SDCCAG8: variants seen among roughly 807,000 people sequenced by gnomAD.
The protein encoded by SDCCAG8 is serologically defined colon cancer antigen 8.
SDCCAG8 carries 74 observed loss-of-function variants against 101.8 expected under a neutral mutation model. The ratio of observed to expected loss-of-function variants is 0.73; its 90% CI spans 0.60 to 0.88. SDCCAG8 has a LOEUF of 0.88. Among genes scored for constraint, SDCCAG8 ranks in the 40% least tolerant of loss-of-function variants. The pLI, the probability that SDCCAG8 is intolerant of heterozygous loss-of-function variation, is 0.00. For missense variants in SDCCAG8, 787 were observed against 822.6 expected (o/e 0.96, Z 0.53); for synonymous variants, 281 against 292.9 (o/e 0.96, Z 0.41).
At chr1:243,426,679 C>G (rs1466969333) in intron 16 of SDCCAG8, 121 bp downstream of exon 16, 15 of 1,198,968 alleles carry the variant, frequency 1.3e-5, no homozygotes, top group South Asian at 1.3e-5. Context: ...GTGACATGCT[C>G]AAAATCTAAT....
chr1:243,286,348 C>G lies in SDCCAG8; in HGVS notation c.497C>G (p.Ser166Cys), dbSNP rs776989165. 15 of 1,613,832 alleles carry G rather than the reference C, an allele frequency of 9.3e-6. No individual in the cohort carries two copies. The highest frequency in any genetic ancestry group is 1.3e-5 in the African/African-American group (1 of 74,928). Residue 166 changes from serine to cysteine, a missense_variant, in exon 5 of 18, where the codon TCT (serine) becomes TGT (cysteine). Transcript: ENST00000366541. ...ENEGLQQQLK[S>C]QRQEETLREQ... ...GAAGGGCTCCAGCAACAGCTAAAAT[C>G]TCAAAGACAAGAGGAGACACTGAGG... is the stretch of plus-strand genomic sequence containing the variant.
chr1:243,353,784 C>T (rs1253651537), intron 12 of SDCCAG8, among the ~76,000 whole-genome samples: 2 of 152,184 alleles, frequency 1.3e-5, no homozygotes, highest in East Asian at 3.9e-4. Flanking sequence ...ACTGTATGCC[C>T]TGCAGTCAGG....
At chr1:243,391,517 C>T (rs1375449410) in intron 13 of SDCCAG8, among the ~76,000 whole-genome samples, 1 of 152,220 alleles carries the variant, frequency 6.6e-6, no homozygotes, top group African/African-American at 2.4e-5. Context: ...TGTGGCCTCT[C>T]CCCAGCAGGC....
In SDCCAG8 at chr1:243,494,131, T is replaced by G. The variant is rs139296399; in HGVS notation, c.2112+4991T>G. ...AGAACAGCAAATACATTGAATAAAATAAATTAAAAAGCCTCCTCCTGAACC... is the reference window on the plus strand; with the variant it reads ...AGAACAGCAAATACATTGAATAAAAGAAATTAAAAAGCCTCCTCCTGAACC... On this transcript the variant is annotated intron_variant, in intron 17 of 17. Transcript: ENST00000366541. Among the ~76,000 whole-genome samples the G allele has an allele frequency of 3.1e-4, 47 of 152,276 alleles. No individual in the cohort carries two copies. The East Asian group carries it at 8.9e-3, about 29-fold the overall frequency.
intron 16 of SDCCAG8, among the ~76,000 whole-genome samples, chr1:243,465,580 G>C (rs181090209): frequency 9.2e-4 from 140 of 152,278 alleles, no homozygotes; most frequent in Admixed American, 2.7e-3. Context: ...AGAATTTTCT[G>C]TATGTTAGTC....
intron 12 of SDCCAG8, among the ~76,000 whole-genome samples, chr1:243,358,640 C>G (rs112173885): frequency 0.02 from 3,025 of 152,226 alleles, 107 homozygotes; most frequent in African/African-American, 0.067. Flanking sequence ...ACATGCTACT[C>G]AAAAACTTCT....
intron 17 of SDCCAG8, among the ~76,000 whole-genome samples, chr1:243,496,947 G>A (rs1200904699): frequency 1.3e-5 from 2 of 152,226 alleles, no homozygotes; most frequent in African/African-American, 2.4e-5. Flanking sequence ...AGTGGCCAGG[G>A]CGCCCTGTCG....
intron 1 of SDCCAG8, among the ~76,000 whole-genome samples, chr1:243,264,387 G>A (rs2067422561): frequency 6.6e-6 from 1 of 152,202 alleles, no homozygotes. Context: ...GGCTGAGGCG[G>A]AAGGATCACC....
intron 12 of SDCCAG8, among the ~76,000 whole-genome samples, chr1:243,376,752 C>T (rs2077621000): frequency 6.6e-6 from 1 of 152,058 alleles, no homozygotes; most frequent in South Asian, 2.1e-4. Flanking sequence ...CTCCTCATGT[C>T]TGGAATACTG....
chr1:243,487,321 G>C (rs1665155621), intron 16 of SDCCAG8, among the ~76,000 whole-genome samples: 2 of 152,226 alleles, frequency 1.3e-5, no homozygotes, highest in Non-Finnish European at 2.9e-5. Context: ...GTGGCTTTGA[G>C]GGTAGCTCCC....
rs748705341 is a variant in SDCCAG8, at chr1:243,499,812, G to C, written c.*27G>C. 1.2e-6 allele frequency: 2 copies of C among 1,605,176 alleles called. No homozygotes were observed. Among genetic ancestry groups the C allele is most frequent in the Non-Finnish European group, 1.7e-6 (2 of 1,172,802 alleles). On this transcript the variant is annotated 3_prime_UTR_variant, in exon 18 of 18. Coordinates refer to ENST00000366541, the MANE Select transcript of SDCCAG8 (RefSeq NM_006642.5). ...CTGGATGGAACAGAGTGAAATAAATGATTTACAAAGAGATATTTACATTCA... is the reference window on the plus strand; with the variant it reads ...CTGGATGGAACAGAGTGAAATAAATCATTTACAAAGAGATATTTACATTCA...
intron 12 of SDCCAG8, among the ~76,000 whole-genome samples, chr1:243,373,141 C>T (rs1280324394): frequency 6.6e-6 from 1 of 151,776 alleles, no homozygotes; most frequent in Non-Finnish European, 1.5e-5. Context: ...TACTATGGAT[C>T]TTGGCCAAAA....
intron 11 of SDCCAG8, among the ~76,000 whole-genome samples, chr1:243,341,883 T>G (rs1239604665): frequency 6.6e-6 from 1 of 152,228 alleles, no homozygotes; most frequent in African/African-American, 2.4e-5. Flanking sequence ...AATTTATTTT[T>G]TACCACTAAA....
rs1573873469 is a variant in SDCCAG8 at position 243,407,857 on chromosome 1, A to G, written c.1617-7845A>G. On this transcript the variant is annotated intron_variant, in intron 13 of 17. Transcript: ENST00000366541. ...GGAAATATGCCATTAAGTCTTTTGC[A>G]TACTTAAGGAAGTAGAGATTCCAGA... Among the ~76,000 whole-genome samples, 3 of 152,196 alleles carry G rather than the reference A, an allele frequency of 2.0e-5. No homozygotes were observed. In the South Asian group the frequency reaches 6.2e-4, roughly 31 times the overall value.
chr1:243,479,837 G>T (rs925485193), intron 16 of SDCCAG8, among the ~76,000 whole-genome samples: 3 of 152,064 alleles, frequency 2.0e-5, no homozygotes, highest in African/African-American at 7.2e-5. Context: ...TCGTATGTGT[G>T]ATTAATACTG....
At chr1:243,390,566 C>T (rs1221077644) in intron 13 of SDCCAG8, among the ~76,000 whole-genome samples, 1 of 152,156 alleles carries the variant, frequency 6.6e-6, no homozygotes, top group Non-Finnish European at 1.5e-5. Context: ...TTCTGCTTAA[C>T]GTTCCCTGGC....
intron 12 of SDCCAG8, among the ~76,000 whole-genome samples, chr1:243,374,172 C>A (rs1390778804): frequency 1.3e-5 from 2 of 151,994 alleles, no homozygotes; most frequent in African/African-American, 4.8e-5. Context: ...TCAAAGAAAT[C>A]TTCCAGAAGT....
chr1:243,451,816 C>G (rs191150612), intron 16 of SDCCAG8, among the ~76,000 whole-genome samples: 82 of 152,282 alleles, frequency 5.4e-4, no homozygotes, highest in Non-Finnish European at 1.0e-3. Context: ...GTAATCCCAG[C>G]TACTCAGAAG....
At chr1:243,422,962 C>G (rs1170772581) in intron 15 of SDCCAG8, among the ~76,000 whole-genome samples, 4 of 152,018 alleles carry the variant, frequency 2.6e-5, no homozygotes, top group Non-Finnish European at 5.9e-5. Flanking sequence ...GATAATCATG[C>G]CAGAAATGTA....
Sources: gnomAD v4.1 joint callset for allele counts (sites outside exome capture counted in the v4.1 genomes callset) on GRCh38, gnomAD v4.1.1 for gene constraint, MANE v1.5 for transcripts, NCBI Gene and HGNC (gene_info 2026-07-23, HGNC 2026-07-21) for gene names.